The following ZNF34 variants were observed in gnomAD, a reference collection of about 807,000 sequenced individuals.
ZNF34 encodes the protein zinc finger protein 34 (KOX 32).
Under a neutral mutation model 14.4 loss-of-function variants are expected in ZNF34, and 8 were observed. That is an observed-to-expected ratio of 0.55 (90% CI 0.33 to 1.00). ZNF34 has a LOEUF of 1.00. Among genes scored for constraint, ZNF34 ranks in the 50% least tolerant of loss-of-function variants. ZNF34 has a pLI of 0.03. For synonymous variants in ZNF34, 235 were observed against 247.9 expected (o/e 0.95, Z 0.49); for missense variants, 538 against 674.2 (o/e 0.80, Z 2.24).
rs1825579822 is a variant in ZNF34, at chr8:144,777,227, T to C, written c.280+231A>G. Among the ~76,000 whole-genome samples the C allele has an allele frequency of 6.6e-6, 1 of 152,022 alleles. No individual in the cohort carries two copies. The highest frequency in any genetic ancestry group is 2.1e-4 in the South Asian group (1 of 4,824). On this transcript the variant is annotated intron_variant, in intron 5 of 5. Coordinates refer to ENST00000429371, the MANE Select transcript of ZNF34 (RefSeq NM_001286769.2). This position sits in a 1 kb window ranked among gnomAD's most constrained non-coding sequence, Gnocchi z 4.8. ...ACGGGACCTTGCCTGGAATGTCCAT[T>C]CCTATTTTCCACAGAAATGCTGCCC... is the stretch of plus-strand genomic sequence containing the variant.
rs943995861 is a variant in ZNF34, at chr8:144,779,293, A to C, written c.-54-768T>G. On this transcript the variant is annotated intron_variant, in intron 2 of 5. Coordinates refer to ENST00000429371, the MANE Select transcript of ZNF34 (RefSeq NM_001286769.2). This position sits in a 1 kb window ranked among gnomAD's most constrained non-coding sequence, Gnocchi z 4.1. ...TATCTCAGGTAGCAGAGCATAGTAC[A>C]TATGTGTCAAAGAAAATGCTAAACC... 2.6e-5 allele frequency among the ~76,000 whole-genome samples: 4 copies of C among 152,236 alleles called. No homozygotes were observed. Among genetic ancestry groups the C allele is most frequent in the Non-Finnish European group, 5.9e-5 (4 of 68,044 alleles).
In ZNF34 at chr8:144,773,611, G is replaced by A. The variant is rs374419463; in HGVS notation, c.1275C>T (p.Pro425=). 6.2e-7 allele frequency: 1 copy of A among 1,614,056 alleles called. No individual in the cohort carries two copies. Among genetic ancestry groups the A allele is most frequent in the African/African-American group, 1.3e-5 (1 of 74,912 alleles). ...EHQRSHTGEK[P]YECNDCGKVF... ...CTTTGCCACAGTCATTGCATTCATA[G>A]GGCTTCTCTCCAGTGTGGCTTCTCT... is the stretch of plus-strand genomic sequence containing the variant. The change falls in exon 6 of 6, where the codon CCC becomes CCT. Residue 425 remains proline (P), a synonymous_variant. Coordinates refer to ENST00000429371, the MANE Select transcript of ZNF34 (RefSeq NM_001286769.2). This position sits in a 1 kb window ranked among gnomAD's most constrained non-coding sequence, Gnocchi z 5.4.
rs116191255 is a variant in ZNF34 at position 144,786,848 on chromosome 8, G to A, written c.-108+431C>T. On this transcript the variant is annotated intron_variant, in intron 1 of 5. Coordinates refer to ENST00000429371, the MANE Select transcript of ZNF34 (RefSeq NM_001286769.2). ...AGGCAGGAGGGGCGGCATTCGCAGA[G>A]GGCTGGGAGGACCGCGAGACGCACG... Among the ~76,000 whole-genome samples, 525 of 152,126 alleles carry A rather than the reference G, an allele frequency of 3.5e-3. 6 individuals are homozygous for A. Among genetic ancestry groups the A allele is most frequent in the African/African-American group, 0.012 (503 of 41,526 alleles).
Position 144,777,887 on chromosome 8 carries a change from G to T in ZNF34, c.160+151C>A, listed in dbSNP as rs903759861. 32 of 1,234,984 alleles carry T rather than the reference G, an allele frequency of 2.6e-5. No individual in the cohort carries two copies. In the African/African-American group the frequency reaches 4.6e-4, roughly 18 times the overall value. 76.5% of individuals were successfully genotyped at this position (1,234,984 alleles called of 1,614,324 possible). A position where few individuals can be genotyped will look rare whatever the true frequency, so the allele number is the denominator to read the frequency against. On this transcript the variant is annotated intron_variant, in intron 4 of 5. Coordinates refer to ENST00000429371, the MANE Select transcript of ZNF34 (RefSeq NM_001286769.2). This position sits in a 1 kb window ranked among gnomAD's most constrained non-coding sequence, Gnocchi z 4.8. ...GCTGACTCAGGAAGGTCCCAGCACT[G>T]CTCTTCCCCTCATCTTCTCAGATCA...
rs759692316 is a variant in ZNF34, at chr8:144,772,829, C to T, written c.*437G>A. On this transcript the variant is annotated 3_prime_UTR_variant, in exon 6 of 6. Coordinates refer to ENST00000429371, the MANE Select transcript of ZNF34 (RefSeq NM_001286769.2). ...TGCTGGTATTACAGGCATGAGCCAC[C>T]ACACCTGGCCGATGCTTTTAAATTT... Among the ~76,000 whole-genome samples the T allele has an allele frequency of 9.9e-5, 15 of 152,170 alleles. No individual in the cohort carries two copies. The highest frequency in any genetic ancestry group is 2.2e-4 in the Non-Finnish European group (15 of 68,042).
At chr8:144,783,473 A>C (rs1263517403) in intron 1 of ZNF34, among the ~76,000 whole-genome samples, 1 of 152,220 alleles carries the variant, frequency 6.6e-6, no homozygotes, top group Non-Finnish European at 1.5e-5. Context: ...CTACATAGAA[A>C]ATCCAAGAGT....
rs911243050 is a variant in ZNF34 at position 144,779,288 on chromosome 8, A to T, written c.-54-763T>A. The stretch of plus-strand genomic sequence containing the variant: ...TCCATTATCTCAGGTAGCAGAGCAT[A>T]GTACATATGTGTCAAAGAAAATGCT... On this transcript the variant is annotated intron_variant, in intron 2 of 5. Transcript: ENST00000429371. This position sits in a 1 kb window ranked among gnomAD's most constrained non-coding sequence, Gnocchi z 4.1. Among the ~76,000 whole-genome samples the T allele has an allele frequency of 6.6e-6, 1 of 152,254 alleles. No individual in the cohort carries two copies. Among genetic ancestry groups the T allele is most frequent in the Non-Finnish European group, 1.5e-5 (1 of 68,052 alleles).
At chr8:144,775,424 A>G (rs1456004810) in intron 5 of ZNF34, among the ~76,000 whole-genome samples, 2 of 152,242 alleles carry the variant, frequency 1.3e-5, no homozygotes, top group East Asian at 3.8e-4. Context: ...AGACATGCAC[A>G]AGAGTGTCCA....
Position 144,777,480 on chromosome 8 carries a change from C to G in ZNF34, c.258G>C (p.Glu86Asp), listed in dbSNP as rs994934875. 1 of 1,552,042 alleles carries G rather than the reference C, an allele frequency of 6.4e-7. No individual in the cohort carries two copies. The highest frequency in any genetic ancestry group is 1.4e-5 in the African/African-American group (1 of 73,054). ...CACCTGGGCTGTTGACTCTCAGGTG[C>G]TCTTTCCCAGAGGTGCCCTGAACAT... ...VLDVQGTSGK[E>D]HLRVNSPALG... is the part of the protein sequence containing the mutation. The change falls in exon 5 of 6, where the codon GAG becomes GAC. Residue 86 changes from glutamate (E) to aspartate (D), a missense_variant. By Grantham distance (45) the Glu-to-Asp change is conservative (BLOSUM62 2). Around this residue, in one of 3 missense-constraint regions of ZNF34, gnomAD observed 431 missense variants for 525.7 expected, o/e 0.82. Coordinates refer to ENST00000429371, the MANE Select transcript of ZNF34 (RefSeq NM_001286769.2). The surrounding 1 kb of genome is among the most constrained non-coding windows in gnomAD (Gnocchi z 4.8).
intron 1 of ZNF34, among the ~76,000 whole-genome samples, chr8:144,782,764 GAGGCAGAAGCTGCAGT>G (rs1825968737): frequency 7.0e-6 from 1 of 142,214 alleles, no homozygotes; most frequent in Non-Finnish European, 1.5e-5. Context: ...TTGAGCCCAG[GAGGCAGAAGCTGCAGT>G]GAATCAAGAT....
Position 144,777,691 on chromosome 8 carries a change from C to G in ZNF34, c.161-114G>C. The G allele has an allele frequency of 4.6e-6, 6 of 1,295,858 alleles. No homozygotes were observed. Among genetic ancestry groups the G allele is most frequent in the Non-Finnish European group, 6.3e-6 (6 of 950,188 alleles). 80.3% of individuals were successfully genotyped at this position (1,295,858 alleles called of 1,614,324 possible). A position where few individuals can be genotyped will look rare whatever the true frequency, so the allele number is the denominator to read the frequency against. On this transcript the variant is annotated intron_variant, in intron 4 of 5. Coordinates refer to ENST00000429371, the MANE Select transcript of ZNF34 (RefSeq NM_001286769.2). The surrounding 1 kb of genome is among the most constrained non-coding windows in gnomAD (Gnocchi z 4.8). The stretch of plus-strand genomic sequence containing the variant: ...GCACAGGCAGAGGGGGTGATGGAAG[C>G]CTGGACACTCTCTGGAGGGCACTGA...
chr8:144,783,919 C>CT (rs1232349114), intron 1 of ZNF34, among the ~76,000 whole-genome samples: 2 of 152,218 alleles, frequency 1.3e-5, no homozygotes, highest in Non-Finnish European at 2.9e-5. Flanking sequence ...AATCCCAGCA[C>CT]TTTGGGAGGC....
At chr8:144,785,726 T>G (rs7833780) in intron 1 of ZNF34, 43,702 of 152,120 alleles carry the variant, frequency 0.29, 7,373 homozygotes, top group South Asian at 0.47. Flanking sequence ...TGGCCCTACC[T>G]GGTAGAACTG....
At chr8:144,783,718 T>C (rs1464876835) in intron 1 of ZNF34, among the ~76,000 whole-genome samples, 1 of 152,204 alleles carries the variant, frequency 6.6e-6, no homozygotes, top group Non-Finnish European at 1.5e-5. Context: ...AAACAGACAA[T>C]GTTTCTAAAT....
In ZNF34 at chr8:144,777,433, T is replaced by C; in HGVS notation, c.280+25A>G. 3 of 1,550,186 alleles carry C rather than the reference T, an allele frequency of 1.9e-6. No homozygotes were observed. Among genetic ancestry groups the C allele is most frequent in the Non-Finnish European group, 2.6e-6 (3 of 1,146,204 alleles). The stretch of plus-strand genomic sequence containing the variant: ...ATAAAGGCTCGTTCGGTGACTTGAG[T>C]TGGGGAGCAGATCCCCTCACGCACC... On this transcript the variant is annotated intron_variant, in intron 5 of 5. Transcript: ENST00000429371. This position sits in a 1 kb window ranked among gnomAD's most constrained non-coding sequence, Gnocchi z 4.8.
rs768168879 is a variant in ZNF34, at chr8:144,778,415, C to T, written c.33+24G>A. 9.9e-6 allele frequency: 15 copies of T among 1,517,826 alleles called. No individual in the cohort carries two copies. The Admixed American group carries it at 3.0e-4, about 30-fold the overall frequency. 94.0% of individuals were successfully genotyped at this position (1,517,826 alleles called of 1,614,324 possible). ...GAAAGCCCTGGGTAAAAACTTCACT[C>T]CTCCCAGGAGGACAGACACTCACCT... On this transcript the variant is annotated intron_variant, in intron 3 of 5. Coordinates refer to ENST00000429371, the MANE Select transcript of ZNF34 (RefSeq NM_001286769.2).
chr8:144,780,333 A>G (rs1169185691), intron 1 of ZNF34, 53 bp from the exon 2 acceptor site: 6 of 1,325,834 alleles, frequency 4.5e-6, no homozygotes, highest in East Asian at 2.5e-5. Context: ...TAGATCAAAC[A>G]CTAGTTAAAA....
chr8:144,786,154 T>G (rs765689810), intron 1 of ZNF34, among the ~76,000 whole-genome samples: 1 of 151,548 alleles, frequency 6.6e-6, no homozygotes, highest in African/African-American at 2.4e-5. Context: ...CCGGCTAATT[T>G]TTTTGTATTT....
chr8:144,783,893 A>T (rs913704731), intron 1 of ZNF34, among the ~76,000 whole-genome samples: 1 of 152,198 alleles, frequency 6.6e-6, no homozygotes, highest in Non-Finnish European at 1.5e-5. Context: ...GGCCAGGCGC[A>T]GTGGCTCACG....
Sources: allele counts gnomAD v4.1 joint callset (sites outside exome capture counted in the v4.1 genomes callset), GRCh38; gene constraint gnomAD v4.1.1; regional missense constraint gnomAD v4.1.1; non-coding constraint Gnocchi (gnomAD v3.1); transcripts MANE v1.5; gene names NCBI Gene and HGNC (gene_info 2026-07-23, HGNC 2026-07-21).